LINC00305: variants seen among roughly 807,000 people sequenced by gnomAD.
The protein encoded by LINC00305 is long intergenic non-protein coding RNA 305.
rs141653325 is a variant in LINC00305 at position 64,137,675 on chromosome 18, G to A, written n.314+11100C>T. Among the ~76,000 whole-genome samples the A allele has an allele frequency of 7.6e-3, 1,153 of 152,276 alleles. 19 individuals are homozygous for A. The highest frequency in any genetic ancestry group is 0.027 in the African/African-American group (1,120 of 41,554). On this transcript the variant is annotated intron_variant and non_coding_transcript_variant, in intron 1 of 3. Coordinates refer to ENST00000666468, the Ensembl canonical transcript of LINC00305. Reference sequence around the variant, plus strand: ...TTTGCAAAGCTGTCTTTGGAGTCCTGCTATGTCACACTGAGAGAATTCCTA... The same window carrying A: ...TTTGCAAAGCTGTCTTTGGAGTCCTACTATGTCACACTGAGAGAATTCCTA...
chr18:64,126,352 A>T lies in LINC00305; in HGVS notation n.314+22423T>A, dbSNP rs189785718. On this transcript the variant is annotated intron_variant and non_coding_transcript_variant, in intron 1 of 3. Coordinates refer to ENST00000666468, the Ensembl canonical transcript of LINC00305. ...TTTTCTGCAATGAACATACTTTCTT[A>T]AAAAAATTACAGTAATTATATTTTT... is the stretch of plus-strand genomic sequence containing the variant. 1.4e-3 allele frequency among the ~76,000 whole-genome samples: 215 copies of T among 151,530 alleles called. 2 individuals carry two copies. Among genetic ancestry groups the T allele is most frequent in the Admixed American group, 0.01 (154 of 15,258 alleles).
chr18:64,112,297 G>T (rs1221327150), intron 1 of LINC00305, among the ~76,000 whole-genome samples: 1 of 121,222 alleles, frequency 8.2e-6, no homozygotes, highest in Non-Finnish European at 1.7e-5. Flanking sequence ...TGCGATTTAA[G>T]AAACTATTTT....
At chr18:64,096,591 A>G (rs187226200) in intron 3 of LINC00305, among the ~76,000 whole-genome samples, 78 of 152,036 alleles carry the variant, frequency 5.1e-4, no homozygotes, top group Admixed American at 9.8e-4. Flanking sequence ...TATCAGGAAA[A>G]TGTAATGCTA....
chr18:64,147,020 T>G (rs576669325), intron 1 of LINC00305, among the ~76,000 whole-genome samples: 1 of 152,346 alleles, frequency 6.6e-6, no homozygotes, highest in South Asian at 2.1e-4. Context: ...CAACGTTTTC[T>G]TCTTCAAAAA....
chr18:64,137,754 A>G (rs1023812477), intron 1 of LINC00305, among the ~76,000 whole-genome samples: 3 of 152,134 alleles, frequency 2.0e-5, no homozygotes, highest in African/African-American at 7.2e-5. Flanking sequence ...AAGATCAGTT[A>G]TACAACGTTT....
At chr18:64,137,952 A>C (rs1011944547) in intron 1 of LINC00305, among the ~76,000 whole-genome samples, 1 of 152,076 alleles carries the variant, frequency 6.6e-6, no homozygotes, top group Non-Finnish European at 1.5e-5. Context: ...TTTGTTTTAG[A>C]GTATTGCCTG....
intron 1 of LINC00305, among the ~76,000 whole-genome samples, chr18:64,111,009 C>T (rs777356518): frequency 1.9e-4 from 29 of 152,098 alleles, no homozygotes; most frequent in Non-Finnish European, 3.5e-4. Context: ...GTGGTGCTTT[C>T]TGAGAACAGA....
intron 3 of LINC00305, among the ~76,000 whole-genome samples, chr18:64,097,220 G>C (rs980601353): frequency 1.3e-5 from 2 of 152,038 alleles, no homozygotes; most frequent in Non-Finnish European, 2.9e-5. Flanking sequence ...AGCCATGAAA[G>C]ATGTATTTTT....
intron 1 of LINC00305, among the ~76,000 whole-genome samples, chr18:64,134,863 G>T (rs2051425336): frequency 6.6e-6 from 1 of 152,168 alleles, no homozygotes; most frequent in African/African-American, 2.4e-5. Context: ...TCTTACAACA[G>T]GAATTGAAAC....
At chr18:64,106,115 A>C (rs2051289466) in intron 1 of LINC00305, among the ~76,000 whole-genome samples, 1 of 152,316 alleles carries the variant, frequency 6.6e-6, no homozygotes, top group African/African-American at 2.4e-5. Flanking sequence ...CCTGATTGGC[A>C]CCTGAACTTT....
intron 1 of LINC00305, among the ~76,000 whole-genome samples, chr18:64,109,736 C>T (rs1181067596): frequency 6.6e-6 from 1 of 152,138 alleles, no homozygotes; most frequent in Non-Finnish European, 1.5e-5. Flanking sequence ...TGGAAGACTG[C>T]AATTCCTAGA....
At chr18:64,099,250 A>G (rs1416994165) in intron 1 of LINC00305, among the ~76,000 whole-genome samples, 2 of 152,316 alleles carry the variant, frequency 1.3e-5, no homozygotes, top group East Asian at 1.9e-4. Context: ...ATATGGTCAC[A>G]TTTCATACAT....
Position 64,102,298 on chromosome 18 carries a change from A to G in LINC00305, n.315-3658T>C, listed in dbSNP as rs529308713. Among the ~76,000 whole-genome samples, 8 of 152,204 alleles carry G rather than the reference A, an allele frequency of 5.3e-5. No individual in the cohort carries two copies. The South Asian group carries it at 1.7e-3, about 32-fold the overall frequency. The stretch of plus-strand genomic sequence containing the variant: ...AGCTAAGACATATAAACTGATACTC[A>G]AGGCCTAAAAAACAATAATAGAACT... On this transcript the variant is annotated intron_variant and non_coding_transcript_variant, in intron 1 of 3. Transcript: ENST00000666468.
chr18:64,138,923 A>T (rs557115453), intron 1 of LINC00305, among the ~76,000 whole-genome samples: 1 of 152,346 alleles, frequency 6.6e-6, no homozygotes, highest in South Asian at 2.1e-4. Context: ...TGAATCAAAG[A>T]GTATGTGCGG....
At chr18:64,111,890 A>T (rs1464110015) in intron 1 of LINC00305, among the ~76,000 whole-genome samples, 1 of 152,254 alleles carries the variant, frequency 6.6e-6, no homozygotes, top group Non-Finnish European at 1.5e-5. Context: ...GGGAACAGTA[A>T]TGTATGCAAA....
At chr18:64,140,475 C>T (rs1157928479) in intron 1 of LINC00305, among the ~76,000 whole-genome samples, 1 of 152,174 alleles carries the variant, frequency 6.6e-6, no homozygotes, top group African/African-American at 2.4e-5. Flanking sequence ...TCCCGAAGTG[C>T]TGGGATTACA....
intron 1 of LINC00305, among the ~76,000 whole-genome samples, chr18:64,145,175 T>C (rs910680741): frequency 2.6e-5 from 4 of 152,216 alleles, no homozygotes; most frequent in African/African-American, 9.6e-5. Flanking sequence ...ATGGAAAGAC[T>C]GCGTTTCTGT....
At chr18:64,116,383 TTTTAAGAACATATTA>T in intron 1 of LINC00305, among the ~76,000 whole-genome samples, 1 of 152,320 alleles carries the variant, frequency 6.6e-6, no homozygotes, top group Non-Finnish European at 1.5e-5. Context: ...GCTCCTAATG[TTTTAAGAACATATTA>T]ATTGCATAAA....
intron 1 of LINC00305, among the ~76,000 whole-genome samples, chr18:64,145,850 T>A (rs1350004862): frequency 6.6e-6 from 1 of 152,208 alleles, no homozygotes; most frequent in African/African-American, 2.4e-5. Flanking sequence ...TATAATGATA[T>A]ACCCTCAAAG....
Sources: gnomAD v4.1 joint callset for allele counts (sites outside exome capture counted in the v4.1 genomes callset) on GRCh38, gnomAD v4.1.1 for gene constraint, MANE v1.5 for transcripts, NCBI Gene and HGNC (gene_info 2026-07-23, HGNC 2026-07-21) for gene names.